The following TRAP1 variants were observed in gnomAD, a reference collection of about 807,000 sequenced individuals.
TRAP1 encodes the protein heat shock protein 75 kDa, mitochondrial.
Under a neutral mutation model 89.1 loss-of-function variants are expected in TRAP1, and 102 were observed. The observed-to-expected ratio is 1.15, with a 90% CI of 0.98 to 1.35. TRAP1 has a LOEUF of 1.35. Ranked by LOEUF, TRAP1 falls within the 40% of genes most tolerant of loss-of-function variation. The pLI is 0.00. For synonymous variants in TRAP1, 508 were observed against 388.0 expected (o/e 1.31, Z -3.64); for missense variants, 1,256 against 945.3 (o/e 1.33, Z -4.31).
chr16:3,691,948 G>A (rs1016643001), intron 1 of TRAP1, among the ~76,000 whole-genome samples: 9 of 152,178 alleles, frequency 5.9e-5, no homozygotes, highest in South Asian at 2.1e-4. Flanking sequence ...GTCCCCAGCC[G>A]CACGCAGTTC....
intron 4 of TRAP1, among the ~76,000 whole-genome samples, chr16:3,680,333 G>C (rs962130568): frequency 7.2e-5 from 11 of 152,172 alleles, no homozygotes; most frequent in African/African-American, 2.7e-4. Context: ...TGCTTTGTTT[G>C]TTAAAAACCA....
intron 1 of TRAP1, among the ~76,000 whole-genome samples, chr16:3,695,664 C>G (rs577029555): frequency 6.6e-6 from 1 of 152,122 alleles, no homozygotes; most frequent in South Asian, 2.1e-4. Context: ...CATCACCACT[C>G]TGAAAGAAGA....
rs2050933356 is a variant in TRAP1, at chr16:3,672,837, C to T, written c.1045-17G>A. The stretch of plus-strand genomic sequence containing the variant: ...GGACGGTTTCTGGGGGTGAGGAGAA[C>T]ACGCCATCATGCAGCACTGACCCTC... On this transcript the variant is annotated splice_polypyrimidine_tract_variant and intron_variant, in intron 9 of 17. Coordinates refer to ENST00000246957, the MANE Select transcript of TRAP1 (RefSeq NM_016292.3). 2.5e-6 allele frequency: 4 copies of T among 1,609,068 alleles called. No individual in the cohort carries two copies. Among genetic ancestry groups the T allele is most frequent in the Non-Finnish European group, 3.4e-6 (4 of 1,178,192 alleles).
At chr16:3,664,226 T>C in intron 13 of TRAP1, 48 bp downstream of exon 13, 1 of 1,488,052 alleles carries the variant, frequency 6.7e-7, no homozygotes. Context: ...GTCAAGACCC[T>C]CCCCAGGTTG....
intron 1 of TRAP1, among the ~76,000 whole-genome samples, chr16:3,701,751 C>G (rs2051368510): frequency 6.6e-6 from 1 of 152,150 alleles, no homozygotes; most frequent in Non-Finnish European, 1.5e-5. Flanking sequence ...TCTGCACTTA[C>G]TACAGTCATA....
chr16:3,672,691 G>A lies in TRAP1; in HGVS notation c.1165+9C>T. ...CGGGGGCACTGCTCACGGACTCTGA[G>A]CAGCGTACCTCGGATGAAGCGCAGC... is the stretch of plus-strand genomic sequence containing the variant. On this transcript the variant is annotated intron_variant, in intron 10 of 17. Transcript: ENST00000246957. The A allele has an allele frequency of 6.2e-7, 1 of 1,604,938 alleles. No individual in the cohort carries two copies. The highest frequency in any genetic ancestry group is 8.5e-7 in the Non-Finnish European group (1 of 1,176,444).
intron 5 of TRAP1, chr16:3,677,954 G>A (rs1220467688): frequency 3.0e-6 from 1 of 336,898 alleles, no homozygotes; most frequent in African/African-American, 2.2e-5. Flanking sequence ...TGGGGGTGGG[G>A]AAAGAGCAGC....
chr16:3,671,816 T>C, intron 10 of TRAP1, 25 bp from the exon 11 acceptor site: 1 of 1,610,122 alleles, frequency 6.2e-7, no homozygotes, highest in Non-Finnish European at 8.5e-7. Flanking sequence ...AGTCAGCTTC[T>C]CCCGGGGCTG....
intron 1 of TRAP1, among the ~76,000 whole-genome samples, chr16:3,700,266 C>G (rs1194655556): frequency 1.9e-4 from 28 of 150,098 alleles, no homozygotes; most frequent in Admixed American, 1.9e-3. Flanking sequence ...CTCCCGGGTT[C>G]AAGCGATTCT....
At chr16:3,675,240 C>G (rs1596713900) in intron 8 of TRAP1, 84 bp downstream of exon 8, 1 of 1,391,626 alleles carries the variant, frequency 7.2e-7, no homozygotes, top group African/African-American at 1.4e-5. Flanking sequence ...GCCGCATCCC[C>G]TGGGCTCATC....
chr16:3,690,748 C>T, intron 2 of TRAP1, 79 bp downstream of exon 2: 1 of 1,309,758 alleles, frequency 7.6e-7, no homozygotes, highest in African/African-American at 1.5e-5. Flanking sequence ...CCAATCACTG[C>T]CTCCACCCTG....
At chr16:3,684,515 G>C (rs971881982) in intron 4 of TRAP1, among the ~76,000 whole-genome samples, 4 of 152,252 alleles carry the variant, frequency 2.6e-5, no homozygotes, top group East Asian at 1.9e-4. Flanking sequence ...AAATGGGCTG[G>C]GTATGGTGGC....
At position 3,666,095 on chromosome 16, in the gene TRAP1, T is replaced by A; in HGVS notation, c.1259A>T (p.Gln420Leu). Residue 420 changes from glutamine to leucine, a missense_variant, in exon 12 of 18, where the codon CAG (glutamine) becomes CTG (leucine). By Grantham distance (113) the Gln-to-Leu change is moderately radical (BLOSUM62 -2). Transcript: ENST00000246957. ...GTCAATGAAGAATTTGATCAGCCTC[T>A]GCTGTAAAACGTCCCGGAGTTTCCT... is the stretch of plus-strand genomic sequence containing the variant. ...LIRKLRDVLQ[Q>L]RLIKFFIDQS... 1 of 1,613,424 alleles carries A rather than the reference T, an allele frequency of 6.2e-7. No homozygotes were observed. The highest frequency in any genetic ancestry group is 8.5e-7 in the Non-Finnish European group (1 of 1,179,826).
At chr16:3,697,301 A>G (rs1179999396) in intron 1 of TRAP1, among the ~76,000 whole-genome samples, 1 of 152,136 alleles carries the variant, frequency 6.6e-6, no homozygotes. Context: ...GACTGTTGGT[A>G]TCCTCTGATA....
rs147617137 is a variant in TRAP1 at position 3,677,628 on chromosome 16, C to T, written c.574G>A (p.Glu192Lys). 9.9e-4 allele frequency: 1,590 copies of T among 1,614,110 alleles called. 10 individuals carry two copies. The highest frequency in any genetic ancestry group is 8.1e-3 in the Middle Eastern group (49 of 6,062). The change falls in exon 6 of 18, where the codon GAG (glutamate) becomes AAG (lysine). Residue 192 changes from glutamate to lysine, a missense_variant. Physicochemically the swap from Glu to Lys is moderately conservative, Grantham distance 56. Coordinates refer to ENST00000246957, the MANE Select transcript of TRAP1 (RefSeq NM_016292.3). ...AFLDALQNQA[E>K]ASSKIIGQFG... ...TGGCCGATGATCTTGCTGCTGGCCTCAGCCTGGTTCTGCAGAGCATCCAGG... is the reference window on the plus strand; with the variant it reads ...TGGCCGATGATCTTGCTGCTGGCCTTAGCCTGGTTCTGCAGAGCATCCAGG...
chr16:3,690,219 T>A (rs57671100), intron 2 of TRAP1, among the ~76,000 whole-genome samples: 2,759 of 152,208 alleles, frequency 0.018, 75 homozygotes, highest in African/African-American at 0.063. Context: ...TTGCCCAGGT[T>A]GGTCTCGACC....
chr16:3,672,579 G>T (rs2050928337), intron 10 of TRAP1, 121 bp downstream of exon 10: 6 of 1,423,026 alleles, frequency 4.2e-6, no homozygotes, highest in Non-Finnish European at 5.5e-6. Context: ...AGGCAGCGCA[G>T]GCCGACGGCG....
At chr16:3,658,433 T>TAA in intron 17 of TRAP1, 1 of 601,264 alleles carries the variant, frequency 1.7e-6, no homozygotes, top group Non-Finnish European at 2.9e-6. Context: ...TTTCCGTTTT[T>TAA]AAAACAGAAT....
rs1286166954 is a variant in TRAP1, at chr16:3,703,148, G to C, written c.89-12163C>G. Among the ~76,000 whole-genome samples the C allele has an allele frequency of 2.2e-5, 3 of 139,416 alleles. No individual in the cohort carries two copies. In the East Asian group the frequency reaches 6.3e-4, roughly 29 times the overall value. The allele number at this position is 139,416 out of a possible 152,430, so 91.5% of individuals were successfully genotyped here. A position where few individuals can be genotyped will look rare whatever the true frequency, so the allele number is the denominator to read the frequency against. ...AAACTAGTTAGAAAATATGACATAA[G>C]AGACCCCAGGAACAAAAACTAAACA... On this transcript the variant is annotated intron_variant, in intron 1 of 17. Transcript: ENST00000246957.
Sources: allele counts gnomAD v4.1 joint callset (sites outside exome capture counted in the v4.1 genomes callset), GRCh38; gene constraint gnomAD v4.1.1; transcripts MANE v1.5; gene names NCBI Gene and HGNC (gene_info 2026-07-23, HGNC 2026-07-21).